PIP5K1C: variants seen among roughly 807,000 people sequenced by gnomAD.
The protein encoded by PIP5K1C is phosphatidylinositol-4-phosphate 5-kinase type 1 gamma.
Under a neutral mutation model 80.1 loss-of-function variants are expected in PIP5K1C, and 45 were observed. That is an observed-to-expected ratio of 0.56 (90% CI 0.44 to 0.72). The LOEUF (loss-of-function observed/expected upper bound fraction) is 0.72. Ranked by LOEUF, PIP5K1C falls within the 30% of genes least tolerant of loss-of-function variation. PIP5K1C has a pLI of 0.00. For missense variants in PIP5K1C, 753 were observed against 954.6 expected, an observed-to-expected ratio of 0.79 and a Z score of 2.78; for synonymous variants, 498 against 420.1, an observed-to-expected ratio of 1.19 and a Z score of -2.27.
At position 3,700,428 on chromosome 19, in the gene PIP5K1C, A is replaced by C; in HGVS notation, c.-38T>G. 2 of 1,029,176 alleles carry C rather than the reference A, an allele frequency of 1.9e-6. No individual in the cohort carries two copies. The highest frequency in any genetic ancestry group is 2.3e-6 in the Non-Finnish European group (2 of 853,422). The allele number at this position is 1,029,176 out of a possible 1,614,324, so 63.8% of individuals were successfully genotyped here. ...ACGGCGGCGGGGGCGCCCGAGGGGG[A>C]CCCGAGCTGCGACCGCCGCCGCCGA... On this transcript the variant is annotated 5_prime_UTR_variant, in exon 1 of 18. Coordinates refer to ENST00000335312, the MANE Select transcript of PIP5K1C (RefSeq NM_012398.3).
At chr19:3,693,386 C>A (rs1184970950) in intron 1 of PIP5K1C, among the ~76,000 whole-genome samples, 1 of 152,176 alleles carries the variant, frequency 6.6e-6, no homozygotes, top group Admixed American at 6.5e-5. Context: ...TCCAGCCCCT[C>A]CCAAGCTGGC....
Position 3,632,959 on chromosome 19 carries a change from G to A in PIP5K1C, c.*208C>T, listed in dbSNP as rs2033510812. ...CGCTCGGGAGGGTGGGTCTCACAGG[G>A]GCAGGCTGCCGACCGGGGTGCCGGG... On this transcript the variant is annotated 3_prime_UTR_variant, in exon 18 of 18. Coordinates refer to ENST00000335312, the MANE Select transcript of PIP5K1C (RefSeq NM_012398.3). 1 of 534,530 alleles carries A rather than the reference G, an allele frequency of 1.9e-6. No individual in the cohort carries two copies. The highest frequency in any genetic ancestry group is 2.0e-5 in the African/African-American group (1 of 49,890). 33.1% of individuals were successfully genotyped at this position (534,530 alleles called of 1,614,324 possible).
At position 3,637,643 on chromosome 19, in the gene PIP5K1C, G is replaced by A. The variant is rs755105516; in HGVS notation, c.1920+1241C>T. On this transcript the variant is annotated intron_variant, in intron 16 of 17. Transcript: ENST00000335312. The surrounding 1 kb of genome is among the most constrained non-coding windows in gnomAD (Gnocchi z 7.0). ...ACGGGGCGGGCCGGGTGGGCCGGAG[G>A]AGGAAGGAAAACAGAGGACAGCGGA... The A allele has an allele frequency of 1.5e-5, 22 of 1,515,682 alleles. No homozygotes were observed. Among genetic ancestry groups the A allele is most frequent in the African/African-American group, 4.1e-5 (3 of 72,654 alleles). The allele number at this position is 1,515,682 out of a possible 1,614,324, so 93.9% of individuals were successfully genotyped here.
chr19:3,667,658 A>G (rs2035057997), intron 1 of PIP5K1C, among the ~76,000 whole-genome samples: 1 of 152,194 alleles, frequency 6.6e-6, no homozygotes, highest in Non-Finnish European at 1.5e-5. Context: ...GGCACCCACC[A>G]CGGAGGGCCT....
intron 14 of PIP5K1C, among the ~76,000 whole-genome samples, chr19:3,642,372 T>C (rs1313250215): frequency 6.6e-6 from 1 of 152,126 alleles, no homozygotes; most frequent in African/African-American, 2.4e-5. Context: ...GTGCAGTCCA[T>C]GGGATGGAAG....
intron 16 of PIP5K1C, chr19:3,638,113 G>A: frequency 7.3e-7 from 1 of 1,370,404 alleles, no homozygotes; most frequent in East Asian, 2.5e-5. Flanking sequence ...GGGGGTGCAG[G>A]GTGAGAACAA....
In PIP5K1C at chr19:3,645,986, G is replaced by C; in HGVS notation, c.1333C>G (p.Arg445Gly). ...FFKFMSNTVF[R>G]KNSSLKSSPS... ...TCAGGTGGCTTACAGGAGTTCTTCC[G>C]AAAGACCGTGTTGCTCATGAACTTG... The change falls in exon 11 of 18, where the codon CGG (arginine) becomes GGG (glycine). Residue 445 changes from arginine to glycine, a missense_variant. By Grantham distance (125) the Arg-to-Gly change is moderately radical. This residue lies in a region of PIP5K1C where 114 missense variants were observed against 152.4 expected (regional missense o/e 0.75). Transcript: ENST00000335312. The C allele has an allele frequency of 6.2e-7, 1 of 1,613,220 alleles. No individual in the cohort carries two copies. The highest frequency in any genetic ancestry group is 8.5e-7 in the Non-Finnish European group (1 of 1,179,672).
chr19:3,676,531 G>A (rs1004321790), intron 1 of PIP5K1C, among the ~76,000 whole-genome samples: 4 of 152,158 alleles, frequency 2.6e-5, no homozygotes, highest in East Asian at 1.9e-4. Context: ...TGGCACACTC[G>A]CCTCTGCCTT....
chr19:3,634,669 G>A (rs969299513), intron 16 of PIP5K1C, among the ~76,000 whole-genome samples: 1 of 152,234 alleles, frequency 6.6e-6, no homozygotes, highest in Admixed American at 6.5e-5. Flanking sequence ...GCCCAGCCTG[G>A]GCCAGCAGGG....
At chr19:3,662,261 C>T (rs1354438632) in intron 3 of PIP5K1C, among the ~76,000 whole-genome samples, 1 of 152,228 alleles carries the variant, frequency 6.6e-6, no homozygotes, top group Non-Finnish European at 1.5e-5. Flanking sequence ...GTCACTCAGC[C>T]CTCCCAGTCC....
At chr19:3,695,918 A>T (rs1375470300) in intron 1 of PIP5K1C, among the ~76,000 whole-genome samples, 1 of 151,952 alleles carries the variant, frequency 6.6e-6, no homozygotes, top group Non-Finnish European at 1.5e-5. Flanking sequence ...TAGTAGAGAC[A>T]GGGGTCTTGC....
At chr19:3,651,148 A>C (rs1428832043) in intron 8 of PIP5K1C, among the ~76,000 whole-genome samples, 2 of 146,564 alleles carry the variant, frequency 1.4e-5, no homozygotes, top group East Asian at 4.1e-4. Context: ...TCCGCCTGCC[A>C]CGCTCACGCC....
chr19:3,688,802 AG>A lies in PIP5K1C; in HGVS notation c.94+11494del, dbSNP rs1204242157. ...ACACACCGAGCTGGTGGGCCGGGGG[AG>A]GGGGACCCACACCCACGTCGCCATG... On this transcript the variant is annotated intron_variant, in intron 1 of 17. Coordinates refer to ENST00000335312, the MANE Select transcript of PIP5K1C (RefSeq NM_012398.3). This position sits in a 1 kb window ranked among gnomAD's most constrained non-coding sequence, Gnocchi z 5.3. Among the ~76,000 whole-genome samples, 1 of 150,962 alleles carries A rather than the reference AG, an allele frequency of 6.6e-6. No homozygotes were observed. The highest frequency in any genetic ancestry group is 2.4e-5 in the African/African-American group (1 of 41,004).
At chr19:3,656,311 C>G in intron 6 of PIP5K1C, 94 bp downstream of exon 6, 1 of 1,436,014 alleles carries the variant, frequency 7.0e-7, no homozygotes, top group East Asian at 2.3e-5. Flanking sequence ...CCCAAGGATG[C>G]CTGCTTGCCC....
chr19:3,659,631 G>A (rs1437477011), intron 5 of PIP5K1C, among the ~76,000 whole-genome samples: 1 of 152,128 alleles, frequency 6.6e-6, no homozygotes, highest in African/African-American at 2.4e-5. Context: ...GCAAACGCTG[G>A]GACACTGAAG....
intron 11 of PIP5K1C, among the ~76,000 whole-genome samples, chr19:3,644,657 G>T (rs2034136512): frequency 6.6e-6 from 1 of 152,364 alleles, no homozygotes; most frequent in East Asian, 1.9e-4. Flanking sequence ...AGGTGTTGTG[G>T]TTAGAGAAGC....
At chr19:3,686,561 A>C (rs2035766801) in intron 1 of PIP5K1C, among the ~76,000 whole-genome samples, 1 of 147,276 alleles carries the variant, frequency 6.8e-6, no homozygotes, top group Non-Finnish European at 1.5e-5. Context: ...TCTACTAAAA[A>C]TACAAAATTA....
At chr19:3,642,876 G>A in intron 14 of PIP5K1C, 31 bp downstream of exon 14, 8 of 1,600,404 alleles carry the variant, frequency 5.0e-6, no homozygotes, top group Non-Finnish European at 6.8e-6. Context: ...GAGCTGGTGA[G>A]ACCCAGGGAA....
At chr19:3,636,731 G>C (rs1008215329) in intron 16 of PIP5K1C, 6 of 986,796 alleles carry the variant, frequency 6.1e-6, no homozygotes, top group Non-Finnish European at 7.2e-6. Context: ...GGTGCTCGGA[G>C]AGGTTTGCTG....
Sources: gnomAD v4.1 joint callset for allele counts (sites outside exome capture counted in the v4.1 genomes callset) on GRCh38, gnomAD v4.1.1 for gene constraint, gnomAD v4.1.1 regional missense constraint, Gnocchi (gnomAD v3.1) non-coding constraint, MANE v1.5 for transcripts, NCBI Gene and HGNC (gene_info 2026-07-23, HGNC 2026-07-21) for gene names.